RBL1: variants seen among roughly 807,000 people sequenced by gnomAD.
RBL1 encodes the protein retinoblastoma-like protein 1.
In RBL1, 82 loss-of-function variants were observed where a neutral mutation model predicts 123.0. That is an observed-to-expected ratio of 0.67 (90% confidence interval 0.56 to 0.80). The LOEUF is 0.80. Ranked by LOEUF, RBL1 falls within the 30% of genes least tolerant of loss-of-function variation. RBL1 has a pLI of 0.00. For synonymous variants in RBL1, 405 were observed against 441.3 expected, an observed-to-expected ratio of 0.92 and a Z score of 1.03; for missense variants, 1,171 against 1,299.6, an observed-to-expected ratio of 0.90 and a Z score of 1.52.
intron 1 of RBL1, among the ~76,000 whole-genome samples, chr20:37,091,079 C>T (rs771881677): frequency 1.3e-5 from 2 of 152,078 alleles, no homozygotes; most frequent in Non-Finnish European, 2.9e-5. Flanking sequence ...ACGGATAGGC[C>T]GGTGCGGTGG....
chr20:37,032,601 C>T, intron 16 of RBL1, 64 bp downstream of exon 16: 1 of 1,588,894 alleles, frequency 6.3e-7, no homozygotes, highest in Non-Finnish European at 8.5e-7. Flanking sequence ...AAGTCTGTCT[C>T]TGTTACTCAA....
chr20:36,998,955 G>A (rs775901755), intron 21 of RBL1, 26 bp from the exon 22 acceptor site: 10 of 1,590,642 alleles, frequency 6.3e-6, no homozygotes, highest in Non-Finnish European at 4.3e-6. Context: ...GAACGTGTGT[G>A]AGTAAAAGAG....
chr20:37,010,192 G>A (rs1215482492), intron 19 of RBL1, among the ~76,000 whole-genome samples: 1 of 151,816 alleles, frequency 6.6e-6, no homozygotes, highest in Non-Finnish European at 1.5e-5. Context: ...ACCCCATCTC[G>A]GTCTCCCAAA....
intron 18 of RBL1, among the ~76,000 whole-genome samples, chr20:37,020,179 C>A (rs914383082): frequency 2.0e-5 from 3 of 151,018 alleles, no homozygotes; most frequent in Non-Finnish European, 4.4e-5. Flanking sequence ...ACCTCTGCCT[C>A]CTGGGCTCAA....
chr20:37,032,748 T>C lies in RBL1; in HGVS notation c.2299A>G (p.Asn767Asp), dbSNP rs779086582. 1.3e-5 allele frequency: 21 copies of C among 1,613,984 alleles called. No homozygotes were observed. The highest frequency in any genetic ancestry group is 1.6e-5 in the Non-Finnish European group (19 of 1,179,992). The change falls in exon 16 of 22, where the codon AAT becomes GAT. Residue 767 changes from asparagine (N) to aspartate (D), a missense_variant. Asn to Asp is a conservative substitution (Grantham distance 23). Coordinates refer to ENST00000373664, the MANE Select transcript of RBL1 (RefSeq NM_002895.5). ...SLIGASPKQT[N>D]LTKAQEVHST... ...TGTACCTCTTGTGCTTTAGTCAGAT[T>C]GGTCTGTTTTGGAGAAGCACCAATT...
At position 36,998,829 on chromosome 20, in the gene RBL1, A is replaced by G. The variant is rs2063917162; in HGVS notation, c.3137T>C (p.Val1046Ala). The change falls in exon 22 of 22, where the codon GTC (valine) becomes GCC (alanine). Residue 1046 changes from valine to alanine, a missense_variant. Physicochemically the swap from Val to Ala is moderately conservative, Grantham distance 64. Transcript: ENST00000373664. ...DSDAESPAKR[V>A]CQENDDVLLK... Reference sequence around the variant, plus strand: ...TAAAACGTCATCATTTTCTTGACAGACGCGTTTGGCAGGGGATTCTGCATC... The same window carrying G: ...TAAAACGTCATCATTTTCTTGACAGGCGCGTTTGGCAGGGGATTCTGCATC... The G allele has an allele frequency of 6.2e-7, 1 of 1,613,580 alleles. No individual in the cohort carries two copies. The highest frequency in any genetic ancestry group is 8.5e-7 in the Non-Finnish European group (1 of 1,179,712).
intron 20 of RBL1, among the ~76,000 whole-genome samples, chr20:37,006,772 A>G (rs1186517333): frequency 6.7e-6 from 1 of 148,730 alleles, no homozygotes. Flanking sequence ...CCCGGGAGGC[A>G]GAGGTTGCAG....
chr20:37,033,697 T>A (rs1404380520), intron 15 of RBL1, among the ~76,000 whole-genome samples: 1 of 151,086 alleles, frequency 6.6e-6, no homozygotes, highest in Non-Finnish European at 1.5e-5. Context: ...CTGAGACCTC[T>A]GCCTCCCAGG....
intron 1 of RBL1, among the ~76,000 whole-genome samples, chr20:37,090,190 T>C (rs1258913176): frequency 1.3e-5 from 2 of 152,212 alleles, no homozygotes; most frequent in Non-Finnish European, 2.9e-5. Flanking sequence ...TACAGAAACA[T>C]GCTGAACAAG....
At chr20:37,064,856 C>T (rs540186178) in intron 7 of RBL1, among the ~76,000 whole-genome samples, 3 of 152,096 alleles carry the variant, frequency 2.0e-5, no homozygotes, top group Middle Eastern at 3.4e-3. Flanking sequence ...AAACTCCTGA[C>T]CTCAAGTGAT....
intron 15 of RBL1, among the ~76,000 whole-genome samples, chr20:37,034,951 G>C (rs1299207488): frequency 2.0e-5 from 3 of 152,048 alleles, no homozygotes; most frequent in African/African-American, 7.2e-5. Flanking sequence ...TGTCAGTAAT[G>C]TAGGTTCATC....
intron 1 of RBL1, 34 bp downstream of exon 1, chr20:37,095,739 G>A (rs1305445976): frequency 1.9e-6 from 3 of 1,546,354 alleles, no homozygotes; most frequent in South Asian, 1.2e-5. Flanking sequence ...CCTGGCGAGG[G>A]TAGGGTCCGG....
chr20:37,085,105 C>G (rs1389226062), intron 2 of RBL1, among the ~76,000 whole-genome samples: 1 of 148,220 alleles, frequency 6.7e-6, no homozygotes, highest in Non-Finnish European at 1.5e-5. Flanking sequence ...CGGAGAGTGC[C>G]AAAAGGAGAC....
At chr20:37,069,066 C>A (rs956550788) in intron 2 of RBL1, among the ~76,000 whole-genome samples, 1 of 152,268 alleles carries the variant, frequency 6.6e-6, no homozygotes, top group Non-Finnish European at 1.5e-5. Flanking sequence ...TCTCCAGCCC[C>A]TAACCGCAAG....
intron 19 of RBL1, among the ~76,000 whole-genome samples, 189 bp from the exon 20 acceptor site, chr20:37,007,748 A>G (rs1216300045): frequency 1.3e-5 from 2 of 152,022 alleles, no homozygotes; most frequent in African/African-American, 2.4e-5. Context: ...ACGTGCCACC[A>G]TGCCTGGCTA....
intron 11 of RBL1, among the ~76,000 whole-genome samples, chr20:37,052,797 A>G (rs2064940123): frequency 6.6e-6 from 1 of 152,186 alleles, no homozygotes; most frequent in Non-Finnish European, 1.5e-5. Flanking sequence ...GATGTGAGCT[A>G]CCATGCCCAG....
At position 37,035,401 on chromosome 20, in the gene RBL1, T is replaced by TGG; in HGVS notation, c.2010_2011insCC (p.Met671ProfsTer6). 6.2e-7 allele frequency: 1 copy of TGG among 1,614,156 alleles called. No individual in the cohort carries two copies. Among genetic ancestry groups the TGG allele is most frequent in the South Asian group, 1.1e-5 (1 of 91,088 alleles). The stretch of plus-strand genomic sequence containing the variant: ...GTTCCTTCTGTTATGATCTTGTCCA[T>TGG]AAGCATTTCCTTTGGGGGGTCCTCT... On this transcript the variant is annotated frameshift_variant, in exon 15 of 22. Coordinates refer to ENST00000373664, the MANE Select transcript of RBL1 (RefSeq NM_002895.5). LOFTEE classifies it high-confidence loss of function.
intron 2 of RBL1, among the ~76,000 whole-genome samples, chr20:37,082,419 G>T (rs961783032): frequency 6.6e-6 from 1 of 152,038 alleles, no homozygotes. Context: ...CTTAAAAATT[G>T]TCAACTTTAT....
chr20:37,040,804 A>G (rs182768532), intron 13 of RBL1, among the ~76,000 whole-genome samples: 6 of 152,324 alleles, frequency 3.9e-5, no homozygotes, highest in South Asian at 4.1e-4. Flanking sequence ...TAGGTAAGTT[A>G]CCAACCACAA....
Sources: allele counts gnomAD v4.1 joint callset (sites outside exome capture counted in the v4.1 genomes callset), GRCh38; gene constraint gnomAD v4.1.1; transcripts MANE v1.5; gene names NCBI Gene and HGNC (gene_info 2026-07-23, HGNC 2026-07-21).